Variants in TTC23 observed in about 807,000 individuals in gnomAD.
The protein encoded by TTC23 is tetratricopeptide repeat domain 23, also known as tetratricopeptide repeat protein 23.
TTC23 carries 58 observed loss-of-function variants against 55.1 expected under a neutral mutation model. That is an observed-to-expected ratio of 1.05 (90% CI 0.85 to 1.31). The LOEUF is 1.31. Ranked by LOEUF, TTC23 falls within the 50% of genes most tolerant of loss-of-function variation. TTC23 has a pLI of 0.00. For synonymous variants in TTC23, 203 were observed against 199.9 expected, an observed-to-expected ratio of 1.02 and a Z score of -0.13; for missense variants, 516 against 534.4, an observed-to-expected ratio of 0.97 and a Z score of 0.34.
At position 99,197,113 on chromosome 15, in the gene TTC23, T is replaced by G. The variant is rs1180580783; in HGVS notation, c.759+2806A>C. On this transcript the variant is annotated intron_variant, in intron 9 of 13. Coordinates refer to ENST00000394132, the MANE Select transcript of TTC23 (RefSeq NM_001288615.3). ...TAATGTGGTTTCTGTTCTTTTTTTT[T>G]TTTTTTTGAGACGGAGTCACGCTCC... is the stretch of plus-strand genomic sequence containing the variant. 2.6e-5 allele frequency among the ~76,000 whole-genome samples: 4 copies of G among 151,984 alleles called. No individual in the cohort carries two copies. The East Asian group carries it at 7.7e-4, about 29-fold the overall frequency.
At chr15:99,250,946 G>C (rs771409467), upstream of TTC23, among the ~76,000 whole-genome samples, 1 of 152,154 alleles carries the variant, frequency 6.6e-6, no homozygotes, top group Non-Finnish European at 1.5e-5. Flanking sequence ...GGTCAGACTG[G>C]CGCTGTTAGT....
At chr15:99,250,103 G>A (rs954058305), upstream of TTC23, among the ~76,000 whole-genome samples, 1 of 151,982 alleles carries the variant, frequency 6.6e-6, no homozygotes, top group Non-Finnish European at 1.5e-5. Context: ...TATATTAGCA[G>A]CAAGTCTTAT....
chr15:99,242,736 C>T (rs1175132420), intron 2 of TTC23, among the ~76,000 whole-genome samples: 1 of 152,172 alleles, frequency 6.6e-6, no homozygotes, highest in Non-Finnish European at 1.5e-5. Flanking sequence ...CACAAACCAT[C>T]TGATCATCTT....
intron 2 of TTC23, among the ~76,000 whole-genome samples, chr15:99,243,298 A>G (rs1597057573): frequency 6.6e-6 from 1 of 152,228 alleles, no homozygotes; most frequent in East Asian, 1.9e-4. Context: ...AACTACAATG[A>G]GGTCATCTCA....
In TTC23 at chr15:99,137,978, G is replaced by A. The variant is rs782041130; in HGVS notation, c.*32C>T. The A allele has an allele frequency of 6.2e-7, 1 of 1,613,786 alleles. No individual in the cohort carries two copies. The highest frequency in any genetic ancestry group is 1.1e-5 in the South Asian group (1 of 91,066). ...ACAGCACCCTAAATGACAGTGCCCA[G>A]GAATGTCCTAGGCTTTTTCAGGGTG... On this transcript the variant is annotated 3_prime_UTR_variant, in exon 14 of 14. Coordinates refer to ENST00000394132, the MANE Select transcript of TTC23 (RefSeq NM_001288615.3).
chr15:99,232,479 A>C (rs2079012207), intron 4 of TTC23, among the ~76,000 whole-genome samples: 1 of 141,582 alleles, frequency 7.1e-6, no homozygotes, highest in South Asian at 2.2e-4. Context: ...ACTCCATCTC[A>C]AAAAAAAAAA....
At chr15:99,228,911 T>C (rs1441062457) in intron 4 of TTC23, among the ~76,000 whole-genome samples, 179 bp from the exon 5 acceptor site, 1 of 147,924 alleles carries the variant, frequency 6.8e-6, no homozygotes, top group Non-Finnish European at 1.5e-5. Flanking sequence ...AAACCTTCTT[T>C]CTTTATGTAT....
Position 99,225,429 on chromosome 15 carries a change from C to T in TTC23, c.180+3104G>A, listed in dbSNP as rs921777492. On this transcript the variant is annotated intron_variant, in intron 5 of 13. Coordinates refer to ENST00000394132, the MANE Select transcript of TTC23 (RefSeq NM_001288615.3). Reference sequence around the variant, plus strand: ...ATGAAGGAGTCTAAGGCTGGAAAGTCGAGATGATTTACCAGCAAGTGGTAG... The same window carrying T: ...ATGAAGGAGTCTAAGGCTGGAAAGTTGAGATGATTTACCAGCAAGTGGTAG... Among the ~76,000 whole-genome samples the T allele has an allele frequency of 1.4e-4, 22 of 152,086 alleles. 1 individual carries two copies. Among genetic ancestry groups the T allele is most frequent in the Admixed American group, 6.5e-4 (10 of 15,276 alleles).
intron 10 of TTC23, among the ~76,000 whole-genome samples, chr15:99,174,241 C>A (rs2073275645): frequency 6.6e-6 from 1 of 152,210 alleles, no homozygotes; most frequent in Admixed American, 6.5e-5. Flanking sequence ...TCAGACCAGG[C>A]TGCTCATTGA....
chr15:99,161,530 A>G (rs902989110), intron 11 of TTC23, among the ~76,000 whole-genome samples: 1 of 152,196 alleles, frequency 6.6e-6, no homozygotes, highest in Non-Finnish European at 1.5e-5. Flanking sequence ...GGGCATGACA[A>G]TCTATATTCT....
At chr15:99,211,675 G>C (rs1295615810) in intron 8 of TTC23, among the ~76,000 whole-genome samples, 1 of 152,078 alleles carries the variant, frequency 6.6e-6, no homozygotes, top group East Asian at 1.9e-4. Context: ...GGTCTCCCAT[G>C]CACCTAGATG....
chr15:99,182,012 C>CAAGCAACAAAATA (rs2074168574), intron 9 of TTC23, among the ~76,000 whole-genome samples: 1 of 152,044 alleles, frequency 6.6e-6, no homozygotes, highest in African/African-American at 2.4e-5. Context: ...ATATTTTCTT[C>CAAGCAACAAAATA]GTTTGGTTGC....
chr15:99,186,312 G>A (rs1228410511), intron 9 of TTC23, among the ~76,000 whole-genome samples: 1 of 152,098 alleles, frequency 6.6e-6, no homozygotes, highest in Non-Finnish European at 1.5e-5. Context: ...AGAATAGTCT[G>A]AACTCCAACC....
intron 10 of TTC23, among the ~76,000 whole-genome samples, chr15:99,166,619 G>A (rs965198846): frequency 2.0e-5 from 3 of 152,230 alleles, no homozygotes; most frequent in Non-Finnish European, 4.4e-5. Flanking sequence ...GTTGTGGTGG[G>A]CAGACGGAGA....
Position 99,137,108 on chromosome 15 carries a change from A to G in TTC23, c.*902T>C, listed in dbSNP as rs2067649875. 1.3e-5 allele frequency: 2 copies of G among 152,094 alleles called. No individual in the cohort carries two copies. The highest frequency in any genetic ancestry group is 4.8e-5 in the African/African-American group (2 of 41,348). 9.4% of individuals were successfully genotyped at this position (152,094 alleles called of 1,614,324 possible). A position where few individuals can be genotyped will look rare whatever the true frequency, so the allele number is the denominator to read the frequency against. ...CATCACTGCCCACACCTGCACCCCT[A>G]CCCCTGGGTGTTCCATCCACCTCGA... On this transcript the variant is annotated 3_prime_UTR_variant, in exon 14 of 14. Transcript: ENST00000394132.
At chr15:99,141,197 G>A (rs533186762) in intron 12 of TTC23, among the ~76,000 whole-genome samples, 2 of 152,202 alleles carry the variant, frequency 1.3e-5, no homozygotes, top group Non-Finnish European at 2.9e-5. Context: ...TATGTAAACT[G>A]TGATATGTAT....
chr15:99,242,686 T>G (rs2079909743), intron 2 of TTC23, among the ~76,000 whole-genome samples: 1 of 152,202 alleles, frequency 6.6e-6, no homozygotes, highest in Admixed American at 6.5e-5. Flanking sequence ...GTTTAACATC[T>G]GAACTCATTA....
intron 13 of TTC23, 48 bp from the exon 14 acceptor site, chr15:99,138,175 C>T (rs115566375): frequency 2.5e-6 from 4 of 1,601,952 alleles, no homozygotes; most frequent in South Asian, 2.2e-5. Flanking sequence ...CTCAGCCCCC[C>T]ACACCGTTCC....
rs377530600 is a variant in TTC23, at chr15:99,146,973, G to A, written c.1144-7574C>T. Among the ~76,000 whole-genome samples the A allele has an allele frequency of 1.3e-4, 20 of 152,136 alleles. No homozygotes were observed. In the East Asian group the frequency reaches 2.5e-3, roughly 19 times the overall value. Reference sequence around the variant, plus strand: ...TCTGTTTCCCAGGCTGGAGTGCAGCGGTGTGGTCACGGCTCACTGCAACCT... The same window carrying A: ...TCTGTTTCCCAGGCTGGAGTGCAGCAGTGTGGTCACGGCTCACTGCAACCT... On this transcript the variant is annotated intron_variant, in intron 12 of 13. Transcript: ENST00000394132.
Sources: gnomAD v4.1 joint callset for allele counts (sites outside exome capture counted in the v4.1 genomes callset) on GRCh38, gnomAD v4.1.1 for gene constraint, MANE v1.5 for transcripts, NCBI Gene and HGNC (gene_info 2026-07-23, HGNC 2026-07-21) for gene names.